The following NXN variants were observed in gnomAD, a reference collection of about 807,000 sequenced individuals.
NXN encodes nucleoredoxin, also known as nucleoredoxin 1.
In NXN, 16 loss-of-function variants were observed where a neutral mutation model predicts 48.6. That is an observed-to-expected ratio of 0.33 (90% CI 0.22 to 0.50). The LOEUF is 0.50. Among genes scored for constraint, NXN ranks in the 20% least tolerant of loss-of-function variants. NXN has a pLI of 0.98. For missense variants in NXN, 492 were observed against 605.5 expected (o/e 0.81, Z 1.97); for synonymous variants, 281 against 269.6 (o/e 1.04, Z -0.41).
At chr17:936,035 C>T (rs12938379) in intron 1 of NXN, among the ~76,000 whole-genome samples, 42,036 of 146,892 alleles carry the variant, frequency 0.29, 6,382 homozygotes, top group South Asian at 0.36. Context: ...GAGGTTGCGG[C>T]GAGCCAAGAT....
intron 1 of NXN, among the ~76,000 whole-genome samples, chr17:965,534 T>C (rs2069291689): frequency 6.6e-6 from 1 of 151,138 alleles, no homozygotes; most frequent in Non-Finnish European, 1.5e-5. Flanking sequence ...CACCGAGGAG[T>C]GTGGGCTGAA....
chr17:870,382 ACT>A (rs1292152735), intron 1 of NXN, among the ~76,000 whole-genome samples: 1 of 151,996 alleles, frequency 6.6e-6, no homozygotes, highest in Non-Finnish European at 1.5e-5. Context: ...GAATTGTCTC[ACT>A]GTTATCACGT....
At chr17:876,548 T>A (rs994792475) in intron 1 of NXN, among the ~76,000 whole-genome samples, 1 of 152,028 alleles carries the variant, frequency 6.6e-6, no homozygotes, top group Admixed American at 6.6e-5. Context: ...ACCTGGAGAG[T>A]AGGAAGTAAG....
rs766929133 is a variant in NXN at position 979,695 on chromosome 17, G to A, written c.-17C>T. 8 of 1,399,246 alleles carry A rather than the reference G, an allele frequency of 5.7e-6. No individual in the cohort carries two copies. The highest frequency in any genetic ancestry group is 3.0e-5 in the East Asian group (1 of 33,612). The allele number at this position is 1,399,246 out of a possible 1,614,324, so 86.7% of individuals were successfully genotyped here. A position where few individuals can be genotyped will look rare whatever the true frequency, so the allele number is the denominator to read the frequency against. On this transcript the variant is annotated 5_prime_UTR_variant, in exon 1 of 8. Coordinates refer to ENST00000336868, the MANE Select transcript of NXN (RefSeq NM_022463.5). ...GCCCGACATCCTGGCCCACCGCAGG[G>A]CGGGCAGGCGGCTGCGACCCCGCTC... is the stretch of plus-strand genomic sequence containing the variant.
At chr17:862,935 T>C (rs1297561694) in intron 1 of NXN, among the ~76,000 whole-genome samples, 1 of 152,216 alleles carries the variant, frequency 6.6e-6, no homozygotes, top group African/African-American at 2.4e-5. Context: ...ACGGTATTAT[T>C]GCTAGGAAGA....
chr17:963,270 T>A (rs2069260996), intron 1 of NXN, among the ~76,000 whole-genome samples: 1 of 151,798 alleles, frequency 6.6e-6, no homozygotes, highest in Non-Finnish European at 1.5e-5. Flanking sequence ...ATTTTTTTTT[T>A]AACATACTGC....
chr17:954,230 A>T (rs980224344), intron 1 of NXN, among the ~76,000 whole-genome samples: 9 of 151,794 alleles, frequency 5.9e-5, no homozygotes, highest in Admixed American at 6.6e-5. Context: ...ATACAAAAAA[A>T]CTTAGCCAGG....
chr17:850,299 G>A (rs73975569), intron 1 of NXN, among the ~76,000 whole-genome samples: 5,491 of 152,280 alleles, frequency 0.036, 341 homozygotes, highest in African/African-American at 0.12. Flanking sequence ...CACGAGGTAC[G>A]AGGTACGCAG....
At chr17:877,436 G>A (rs534678127) in intron 1 of NXN, among the ~76,000 whole-genome samples, 1 of 152,258 alleles carries the variant, frequency 6.6e-6, no homozygotes, top group Admixed American at 6.5e-5. Flanking sequence ...GTGAGCCACC[G>A]CGCCCGGCCG....
At chr17:935,316 G>A (rs1207607164) in intron 1 of NXN, among the ~76,000 whole-genome samples, 2 of 152,024 alleles carry the variant, frequency 1.3e-5, no homozygotes, top group Non-Finnish European at 1.5e-5. Context: ...TTAAACAGCC[G>A]CAGGACTCTG....
In NXN at chr17:955,698, C is replaced by G. The variant is rs2069159627; in HGVS notation, c.360+23621G>C. On this transcript the variant is annotated intron_variant, in intron 1 of 7. Transcript: ENST00000336868. ...GATCACAAGGTCAGGAGATTGAGAC[C>G]ATCCTGGCTAACACGGTGAAACCCT... Among the ~76,000 whole-genome samples the G allele has an allele frequency of 2.6e-5, 4 of 151,232 alleles. No homozygotes were observed. The South Asian group carries it at 8.4e-4, about 32-fold the overall frequency.
chr17:955,947 T>C (rs1401372773), intron 1 of NXN, among the ~76,000 whole-genome samples: 1 of 151,540 alleles, frequency 6.6e-6, no homozygotes, highest in Non-Finnish European at 1.5e-5. Context: ...GGCCCAGCCA[T>C]ACAGAGGCTG....
At chr17:889,203 C>A (rs894120878) in intron 1 of NXN, among the ~76,000 whole-genome samples, 1 of 152,174 alleles carries the variant, frequency 6.6e-6, no homozygotes, top group Non-Finnish European at 1.5e-5. Context: ...GAAAGCCCAG[C>A]GCCTGCACGT....
intron 1 of NXN, among the ~76,000 whole-genome samples, chr17:967,938 C>CTAGA (rs1315901186): frequency 6.6e-6 from 1 of 151,484 alleles, no homozygotes; most frequent in African/African-American, 2.4e-5. Context: ...CGCCACTGTA[C>CTAGA]TCTAGCCCAG....
intron 1 of NXN, among the ~76,000 whole-genome samples, chr17:914,568 G>T (rs1366074933): frequency 1.3e-5 from 2 of 152,156 alleles, no homozygotes; most frequent in Non-Finnish European, 2.9e-5. Context: ...CGCAAGCAAG[G>T]TTCCTAGAGG....
intron 1 of NXN, among the ~76,000 whole-genome samples, chr17:915,178 T>C (rs12945726): frequency 0.49 from 74,970 of 151,998 alleles, 18,692 homozygotes; most frequent in African/African-American, 0.57. Context: ...TCGTGATAGG[T>C]CCACCTCAGC....
Position 849,896 on chromosome 17 carries a change from G to A in NXN, c.361-23818C>T, listed in dbSNP as rs954032135. ...CAGAGTCAGAGAGGAGCGAACGAGA[G>A]AAGCTGCAGAGCCCCCAAGGAGCCC... On this transcript the variant is annotated intron_variant, in intron 1 of 7. Transcript: ENST00000336868. The surrounding 1 kb of genome is among the most constrained non-coding windows in gnomAD (Gnocchi z 4.2). Among the ~76,000 whole-genome samples, 30 of 152,274 alleles carry A rather than the reference G, an allele frequency of 2.0e-4. No individual in the cohort carries two copies. Among genetic ancestry groups the A allele is most frequent in the African/African-American group, 6.0e-4 (25 of 41,556 alleles).
At position 865,940 on chromosome 17, in the gene NXN, G is replaced by A. The variant is rs545674318; in HGVS notation, c.361-39862C>T. 5.6e-4 allele frequency among the ~76,000 whole-genome samples: 85 copies of A among 152,012 alleles called. 1 individual carries two copies. The highest frequency in any genetic ancestry group is 1.8e-3 in the African/African-American group (74 of 41,472). On this transcript the variant is annotated intron_variant, in intron 1 of 7. Coordinates refer to ENST00000336868, the MANE Select transcript of NXN (RefSeq NM_022463.5). Reference sequence around the variant, plus strand: ...GGAGGTTGCAGTGAGCTAAGATCGCGGCATTGCACTCCAGCCTGGGCGACA... The same window carrying A: ...GGAGGTTGCAGTGAGCTAAGATCGCAGCATTGCACTCCAGCCTGGGCGACA...
chr17:817,593 C>A (rs369518643), intron 5 of NXN, among the ~76,000 whole-genome samples: 2 of 150,904 alleles, frequency 1.3e-5, no homozygotes, highest in African/African-American at 4.9e-5. Flanking sequence ...GGCGTGAACC[C>A]GGGAGGCGGA....
Sources: allele counts gnomAD v4.1 joint callset (sites outside exome capture counted in the v4.1 genomes callset), GRCh38; gene constraint gnomAD v4.1.1; non-coding constraint Gnocchi (gnomAD v3.1); transcripts MANE v1.5; gene names NCBI Gene and HGNC (gene_info 2026-07-23, HGNC 2026-07-21).